MYL10: variants seen among roughly 807,000 people sequenced by gnomAD.
The protein encoded by MYL10 is myosin light chain 10, also known as myosin regulatory light chain 10.
In MYL10, 18 loss-of-function variants were observed where a neutral mutation model predicts 21.9. That is an observed-to-expected ratio of 0.82 (90% CI 0.57 to 1.22). The LOEUF (loss-of-function observed/expected upper bound fraction) is 1.22, where lower values mean the gene tolerates loss of function less well. Ranked by LOEUF, MYL10 falls within the 50% of genes most tolerant of loss-of-function variation. The pLI, the probability that MYL10 is intolerant of heterozygous loss-of-function variation, is 0.00. For missense variants in MYL10, 225 were observed against 230.4 expected (o/e 0.98, Z 0.15); for synonymous variants, 88 against 82.8 (o/e 1.06, Z -0.34).
intron 6 of MYL10, 68 bp downstream of exon 6, chr7:101,616,152 C>T: frequency 2.9e-6 from 4 of 1,381,912 alleles, no homozygotes; most frequent in South Asian, 1.2e-5. Context: ...GGGCGACCAT[C>T]CACCCTGACC....
At chr7:101,614,152 A>C (rs1796581982) in intron 6 of MYL10, among the ~76,000 whole-genome samples, 1 of 152,202 alleles carries the variant, frequency 6.6e-6, no homozygotes, top group South Asian at 2.1e-4. Context: ...CCAAGGGTAC[A>C]GGAAGGCCTG....
intron 5 of MYL10, 60 bp from the exon 6 acceptor site, chr7:101,616,358 G>A: frequency 3.6e-6 from 5 of 1,402,918 alleles, no homozygotes; most frequent in South Asian, 1.2e-5. Context: ...CACAGGGACA[G>A]GCACAAGGCT....
intron 5 of MYL10, among the ~76,000 whole-genome samples, chr7:101,616,638 A>C (rs1176497020): frequency 2.0e-5 from 3 of 152,232 alleles, no homozygotes; most frequent in African/African-American, 7.2e-5. Flanking sequence ...GCTGAGACCC[A>C]GAGAAGTTAA....
intron 6 of MYL10, among the ~76,000 whole-genome samples, chr7:101,615,219 A>C (rs1005576106): frequency 5.9e-5 from 9 of 151,888 alleles, no homozygotes; most frequent in African/African-American, 2.2e-4. Flanking sequence ...GCTGGCTACG[A>C]TCTGGCTCAG....
At chr7:101,627,878 C>T (rs571240977) in intron 1 of MYL10, among the ~76,000 whole-genome samples, 1 of 152,360 alleles carries the variant, frequency 6.6e-6, no homozygotes, top group African/African-American at 2.4e-5. Flanking sequence ...GCCACCCATG[C>T]TGGCTGGGAC....
At chr7:101,619,173 C>A (rs2130738137) in intron 5 of MYL10, among the ~76,000 whole-genome samples, 1 of 152,344 alleles carries the variant, frequency 6.6e-6, no homozygotes, top group South Asian at 2.1e-4. Context: ...AAGAATCAGG[C>A]CTGTCTGCTT....
At chr7:101,618,739 C>T (rs1796639172) in intron 5 of MYL10, among the ~76,000 whole-genome samples, 1 of 151,960 alleles carries the variant, frequency 6.6e-6, no homozygotes, top group Admixed American at 6.5e-5. Flanking sequence ...ACCAGCCTCT[C>T]ACGCAGTCTG....
At chr7:101,625,916 C>T (rs1341380899) in intron 1 of MYL10, among the ~76,000 whole-genome samples, 2 of 151,392 alleles carry the variant, frequency 1.3e-5, no homozygotes, top group African/African-American at 4.9e-5. Flanking sequence ...CCCACGCCCC[C>T]AGCCTCTCAT....
chr7:101,624,019 A>G lies in MYL10; in HGVS notation c.174T>C (p.Ser58=), dbSNP rs1446868345. The G allele has an allele frequency of 3.2e-6, 2 of 632,236 alleles. No individual in the cohort carries two copies. Among genetic ancestry groups the G allele is most frequent in the Admixed American group, 5.1e-5 (2 of 38,896 alleles). The allele number at this position is 632,236 out of a possible 1,614,324, so 39.2% of individuals were successfully genotyped here. A position where few individuals can be genotyped will look rare whatever the true frequency, so the allele number is the denominator to read the frequency against. Residue 58 remains serine, a splice_region_variant and synonymous_variant, in exon 3 of 8, where the codon AGT becomes AGC. Coordinates refer to ENST00000223167, the MANE Select transcript of MYL10 (RefSeq NM_138403.5). ...DQSQIQEFKE[S]LALSPRLERN... ...GCTCCAGCCTGGGCGACAGAGCCAGACTCTGTCAAACAAACAAATAATAAT... is the reference window on the plus strand; with the variant it reads ...GCTCCAGCCTGGGCGACAGAGCCAGGCTCTGTCAAACAAACAAATAATAAT...
In MYL10 at chr7:101,620,401, C is replaced by T. The variant is rs139329025; in HGVS notation, c.454+1695G>A. Among the ~76,000 whole-genome samples, 29 of 152,184 alleles carry T rather than the reference C, an allele frequency of 1.9e-4. 1 individual carries two copies. The highest frequency in any genetic ancestry group is 7.0e-4 in the African/African-American group (29 of 41,526). On this transcript the variant is annotated intron_variant, in intron 5 of 7. Transcript: ENST00000223167. ...GAGGGCGGGGCCATTGACGGCGAGG[C>T]TGAGATGGGAGAGGTAGAGCCACCA...
At chr7:101,623,870 A>C (rs1363765859) in intron 3 of MYL10, 50 bp downstream of exon 3, 4 of 257,954 alleles carry the variant, frequency 1.6e-5, no homozygotes, top group Non-Finnish European at 3.0e-5. Context: ...TCTACTAAAA[A>C]TTCAAAAAAT....
At chr7:101,623,115 G>A in intron 3 of MYL10, 43 bp from the exon 4 acceptor site, 1 of 1,580,202 alleles carries the variant, frequency 6.3e-7, no homozygotes, top group Non-Finnish European at 8.7e-7. Context: ...GCCCTTCCAA[G>A]CCCGGCCACC....
In MYL10 at chr7:101,613,656, G is replaced by T; in HGVS notation, c.582+6C>A. 6.2e-7 allele frequency: 1 copy of T among 1,614,160 alleles called. No homozygotes were observed. The highest frequency in any genetic ancestry group is 8.5e-7 in the Non-Finnish European group (1 of 1,180,030). ...TCCGCCGTGACCCACCAGAATCCCA[G>T]TTTACCTCCTCCTCACTGAAGCGGT... On this transcript the variant is annotated splice_donor_region_variant and intron_variant, in intron 7 of 7. Coordinates refer to ENST00000223167, the MANE Select transcript of MYL10 (RefSeq NM_138403.5).
chr7:101,617,592 G>T (rs1796623069), intron 5 of MYL10, among the ~76,000 whole-genome samples: 1 of 152,178 alleles, frequency 6.6e-6, no homozygotes, highest in African/African-American at 2.4e-5. Context: ...AGGGCCATTT[G>T]TTCCTCCACC....
Position 101,624,002 on chromosome 7 carries a change from C to A in MYL10, c.191G>T (p.Arg64Met). The change falls in exon 3 of 8, where the codon AGG becomes ATG. Residue 64 changes from arginine (R) to methionine (M), a missense_variant. Arg to Met is a moderately conservative substitution (Grantham distance 91, BLOSUM62 -1). Coordinates refer to ENST00000223167, the MANE Select transcript of MYL10 (RefSeq NM_138403.5). ...EFKESLALSP[R>M]LERNGMISAH... ...CGAGATCATGCCATTGCGCTCCAGCCTGGGCGACAGAGCCAGACTCTGTCA... is the reference window on the plus strand; with the variant it reads ...CGAGATCATGCCATTGCGCTCCAGCATGGGCGACAGAGCCAGACTCTGTCA... 1 of 601,522 alleles carries A rather than the reference C, an allele frequency of 1.7e-6. No homozygotes were observed. The highest frequency in any genetic ancestry group is 2.9e-6 in the Non-Finnish European group (1 of 339,162). 37.3% of individuals were successfully genotyped at this position (601,522 alleles called of 1,614,324 possible).
rs190735712 is a variant in MYL10 at position 101,617,426 on chromosome 7, G to T, written c.455-1128C>A. Among the ~76,000 whole-genome samples, 179 of 152,328 alleles carry T rather than the reference G, an allele frequency of 1.2e-3. 2 individuals carry two copies. The highest frequency in any genetic ancestry group is 4.0e-3 in the African/African-American group (166 of 41,564). ...TCATAGAAAAAACAGGCTCAGAGAT[G>T]TTTCATTACTTGCCCAAGTCCCCAC... On this transcript the variant is annotated intron_variant, in intron 5 of 7. Coordinates refer to ENST00000223167, the MANE Select transcript of MYL10 (RefSeq NM_138403.5).
At chr7:101,616,680 C>A (rs181397438) in intron 5 of MYL10, among the ~76,000 whole-genome samples, 1 of 152,306 alleles carries the variant, frequency 6.6e-6, no homozygotes, top group East Asian at 1.9e-4. Context: ...AGCTGCATGA[C>A]CAGTGGTCTG....
chr7:101,621,582 A>C (rs904736708), intron 5 of MYL10, among the ~76,000 whole-genome samples: 2 of 136,498 alleles, frequency 1.5e-5, no homozygotes, highest in African/African-American at 5.0e-5. Flanking sequence ...GGCAGTGTTT[A>C]GTTTTTATGG....
intron 7 of MYL10, 40 bp downstream of exon 7, chr7:101,613,622 A>C: frequency 6.2e-7 from 1 of 1,613,746 alleles, no homozygotes. Flanking sequence ...TGGGGGCCAG[A>C]GCAGAGAATC....
Sources: gnomAD v4.1 joint callset for allele counts (sites outside exome capture counted in the v4.1 genomes callset) on GRCh38, gnomAD v4.1.1 for gene constraint, MANE v1.5 for transcripts, NCBI Gene and HGNC (gene_info 2026-07-23, HGNC 2026-07-21) for gene names.